Variants in NBAS observed in about 807,000 individuals in gnomAD.
The protein encoded by NBAS is NAG/BC035112 fusion.
Under a neutral mutation model 302.5 loss-of-function variants are expected in NBAS, and 219 were observed. The observed-to-expected ratio is 0.72, with a 90% CI of 0.65 to 0.81. The LOEUF (loss-of-function observed/expected upper bound fraction) is 0.81, where lower values mean the gene tolerates loss of function less well. NBAS is among the 30% of genes least tolerant of loss of function. NBAS has a pLI of 0.00. For missense variants in NBAS, 2,932 were observed against 2,841.6 expected (o/e 1.03, Z -0.72); for synonymous variants, 1,118 against 1,021.6 (o/e 1.09, Z -1.80).
chr2:14,899,865 GCT>G, the NBAS span, among the ~76,000 whole-genome samples: 1 of 152,086 alleles, frequency 6.6e-6, no homozygotes, highest in Non-Finnish European at 1.5e-5. Flanking sequence ...CAAGTTTGTG[GCT>G]CTCTCACCTG....
chr2:15,258,545 A>T (rs866624231), intron 44 of NBAS, among the ~76,000 whole-genome samples: 2 of 152,068 alleles, frequency 1.3e-5, no homozygotes, highest in African/African-American at 4.8e-5. Context: ...ATAAACGGCC[A>T]CTCTGGGAGT....
intron 40 of NBAS, among the ~76,000 whole-genome samples, chr2:15,306,555 G>T (rs896978588): frequency 6.6e-6 from 1 of 152,130 alleles, no homozygotes; most frequent in Non-Finnish European, 1.5e-5. Flanking sequence ...TCTTAGATAT[G>T]ATTTGGAAGG....
In NBAS at chr2:15,379,482, C is replaced by A. The variant is rs535869272; in HGVS notation, c.3590+120G>T. 3 of 975,294 alleles carry A rather than the reference C, an allele frequency of 3.1e-6. No individual in the cohort carries two copies. In the Admixed American group the frequency reaches 6.0e-5, roughly 19 times the overall value. 60.4% of individuals were successfully genotyped at this position (975,294 alleles called of 1,614,324 possible). ...ATTCAAGCAAAAAATAACTGTGCCC[C>A]ATATAGTGTAGTCAATCTGTACCTG... On this transcript the variant is annotated intron_variant, in intron 30 of 51. Coordinates refer to ENST00000281513, the MANE Select transcript of NBAS (RefSeq NM_015909.4).
chr2:14,849,475 C>T, the NBAS span, among the ~76,000 whole-genome samples: 23 of 151,380 alleles, frequency 1.5e-4, no homozygotes, highest in African/African-American at 2.7e-4. Context: ...GAAAGTGATG[C>T]GGAGAATGGA....
intron 44 of NBAS, among the ~76,000 whole-genome samples, chr2:15,240,358 T>A (rs747466207): frequency 1.3e-5 from 2 of 151,102 alleles, no homozygotes; most frequent in Non-Finnish European, 2.9e-5. Context: ...ATCCCAGGAC[T>A]TTGGGAGGCC....
chr2:14,819,183 C>T, the NBAS span, among the ~76,000 whole-genome samples: 1 of 152,198 alleles, frequency 6.6e-6, no homozygotes, highest in Non-Finnish European at 1.5e-5. Flanking sequence ...TTCCCAGATG[C>T]TATCTAAGTT....
At chr2:15,242,533 T>C (rs929567703) in intron 44 of NBAS, among the ~76,000 whole-genome samples, 1 of 152,120 alleles carries the variant, frequency 6.6e-6, no homozygotes, top group African/African-American at 2.4e-5. Context: ...TTAAAAAATA[T>C]ATGTTTAACA....
At chr2:15,507,110 C>A (rs1661894628) in intron 10 of NBAS, among the ~76,000 whole-genome samples, 1 of 152,164 alleles carries the variant, frequency 6.6e-6, no homozygotes, top group South Asian at 2.1e-4. Flanking sequence ...ATGCTACATG[C>A]TGATAAACCT....
chr2:15,338,263 T>C (rs974443319), intron 35 of NBAS, among the ~76,000 whole-genome samples: 1 of 152,184 alleles, frequency 6.6e-6, no homozygotes, highest in African/African-American at 2.4e-5. Context: ...AACTGAGCTG[T>C]TGGCACATAT....
chr2:15,377,664 CTT>C, intron 30 of NBAS, among the ~76,000 whole-genome samples: 1 of 152,290 alleles, frequency 6.6e-6, no homozygotes, highest in East Asian at 1.9e-4. Context: ...TCTGCTGCTT[CTT>C]GGACAATGAA....
intron 33 of NBAS, among the ~76,000 whole-genome samples, chr2:15,355,190 C>G (rs1281516842): frequency 6.6e-6 from 1 of 152,174 alleles, no homozygotes; most frequent in African/African-American, 2.4e-5. Context: ...TGAAGCCCTG[C>G]ATTTTAACCA....
At chr2:14,942,277 C>T in the NBAS span, among the ~76,000 whole-genome samples, 7 of 152,096 alleles carry the variant, frequency 4.6e-5, 1 homozygote, top group South Asian at 1.5e-3. Context: ...AATAGTAATT[C>T]CCAATGTTAG....
the NBAS span, among the ~76,000 whole-genome samples, chr2:14,848,203 G>C: frequency 6.6e-6 from 1 of 151,592 alleles, no homozygotes; most frequent in Non-Finnish European, 1.5e-5. Flanking sequence ...GAGAGTGGGC[G>C]CAGGACAGTG....
At chr2:15,515,452 C>A (rs1276667235) in intron 9 of NBAS, among the ~76,000 whole-genome samples, 2 of 152,144 alleles carry the variant, frequency 1.3e-5, no homozygotes, top group Admixed American at 6.6e-5. Context: ...ACCTGGAAGG[C>A]AGAGGCTGCA....
chr2:15,190,151 T>C (rs1192642979), intron 49 of NBAS, 113 bp downstream of exon 49: 10 of 1,211,490 alleles, frequency 8.3e-6, no homozygotes, highest in Non-Finnish European at 1.1e-5. Context: ...AAATACTGAC[T>C]ACGCACACAC....
At chr2:15,334,766 A>G (rs1027181598) in intron 35 of NBAS, among the ~76,000 whole-genome samples, 3 of 152,200 alleles carry the variant, frequency 2.0e-5, no homozygotes, top group Non-Finnish European at 4.4e-5. Context: ...TCCTCTTTAA[A>G]CAACTTTTCA....
At chr2:15,500,500 T>TCACACA (rs1491465461) in intron 11 of NBAS, among the ~76,000 whole-genome samples, 7 of 112,158 alleles carry the variant, frequency 6.2e-5, no homozygotes, top group African/African-American at 2.7e-4. Flanking sequence ...ATTTTAGAAG[T>TCACACA]CTCACACACA....
At chr2:15,435,326 C>T (rs1677958579) in intron 21 of NBAS, among the ~76,000 whole-genome samples, 1 of 152,182 alleles carries the variant, frequency 6.6e-6, no homozygotes, top group Non-Finnish European at 1.5e-5. Context: ...TAAGAATCCC[C>T]GTATGTTCTT....
chr2:15,315,577 G>A (rs1671471409), intron 38 of NBAS, among the ~76,000 whole-genome samples: 1 of 152,176 alleles, frequency 6.6e-6, no homozygotes, highest in South Asian at 2.1e-4. Context: ...CTCCAGCACT[G>A]CACTCAGCCA....
Sources: gnomAD v4.1 joint callset for allele counts (sites outside exome capture counted in the v4.1 genomes callset) on GRCh38, gnomAD v4.1.1 for gene constraint, MANE v1.5 for transcripts, NCBI Gene and HGNC (gene_info 2026-07-23, HGNC 2026-07-21) for gene names.